The following FARS2 variants were observed in gnomAD, a reference collection of about 807,000 sequenced individuals.
The protein encoded by FARS2 is phenylalanyl-tRNA synthetase 2, mitochondrial, also known as phenylalanine--tRNA ligase, mitochondrial.
A neutral mutation model predicts 46.4 loss-of-function variants in FARS2; 40 were observed. The ratio of observed to expected loss-of-function variants is 0.86; its 90% CI spans 0.67 to 1.12. The LOEUF (loss-of-function observed/expected upper bound fraction) is 1.12. Among genes scored for constraint, FARS2 ranks in the 50% most tolerant of loss-of-function variants. The pLI is 0.00. For missense variants in FARS2, 513 were observed against 567.9 expected (o/e 0.90, Z 0.98); for synonymous variants, 234 against 214.9 (o/e 1.09, Z -0.78).
At chr6:5,494,097 C>G (rs977963759) in intron 4 of FARS2, among the ~76,000 whole-genome samples, 2 of 147,244 alleles carry the variant, frequency 1.4e-5, no homozygotes, top group African/African-American at 2.5e-5. Flanking sequence ...TTCTCTAGCT[C>G]TTGTTTTCTG....
intron 1 of FARS2, among the ~76,000 whole-genome samples, chr6:5,319,553 A>G (rs555652531): frequency 6.6e-6 from 1 of 152,344 alleles, no homozygotes; most frequent in Admixed American, 6.5e-5. Context: ...AGGGTGAGAC[A>G]GTGCTGATGG....
chr6:5,552,533 C>T (rs1282417487), intron 5 of FARS2, among the ~76,000 whole-genome samples: 8 of 152,178 alleles, frequency 5.3e-5, no homozygotes, highest in Admixed American at 5.2e-4. Flanking sequence ...TTCTGTCCAG[C>T]TGTGGGGCAC....
At chr6:5,693,042 T>G (rs78829457) in intron 6 of FARS2, among the ~76,000 whole-genome samples, 2,665 of 152,336 alleles carry the variant, frequency 0.017, 65 homozygotes, top group African/African-American at 0.057. Flanking sequence ...TATTAGAGAA[T>G]TTGTATTTCA....
intron 1 of FARS2, among the ~76,000 whole-genome samples, chr6:5,324,485 A>G (rs1338509526): frequency 1.4e-5 from 2 of 143,932 alleles, no homozygotes; most frequent in Non-Finnish European, 3.0e-5. Context: ...CGTTGGTTAC[A>G]ATTCCATCCT....
At chr6:5,563,170 G>C (rs1219999764) in intron 5 of FARS2, among the ~76,000 whole-genome samples, 2 of 152,150 alleles carry the variant, frequency 1.3e-5, no homozygotes, top group Admixed American at 6.5e-5. Context: ...GGAGGAGGCA[G>C]TGTTTGATTT....
intron 6 of FARS2, among the ~76,000 whole-genome samples, chr6:5,697,929 C>T (rs1443803717): frequency 1.3e-5 from 2 of 151,984 alleles, no homozygotes; most frequent in African/African-American, 2.4e-5. Flanking sequence ...CAATTTTCTT[C>T]GCAGCAGATT....
At chr6:5,768,936 T>C (rs1762882798) in intron 6 of FARS2, among the ~76,000 whole-genome samples, 1 of 152,244 alleles carries the variant, frequency 6.6e-6, no homozygotes, top group Admixed American at 6.5e-5. Flanking sequence ...CCTTTTTGAC[T>C]TTCTTGATTG....
chr6:5,419,830 A>G (rs1762444940), intron 3 of FARS2, among the ~76,000 whole-genome samples: 1 of 152,088 alleles, frequency 6.6e-6, no homozygotes, highest in Admixed American at 6.5e-5. Flanking sequence ...ACAGTGTGCC[A>G]TCCTGCAGGA....
intron 5 of FARS2, among the ~76,000 whole-genome samples, chr6:5,583,494 C>T (rs1773447288): frequency 1.3e-5 from 2 of 152,194 alleles, no homozygotes; most frequent in African/African-American, 4.8e-5. Context: ...AGAAACATGG[C>T]TGCCATTTAC....
At chr6:5,738,928 A>G (rs1761125116) in intron 6 of FARS2, among the ~76,000 whole-genome samples, 1 of 152,188 alleles carries the variant, frequency 6.6e-6, no homozygotes, top group Non-Finnish European at 1.5e-5. Flanking sequence ...CAGCCAGCGC[A>G]GCCTGGACAA....
intron 5 of FARS2, among the ~76,000 whole-genome samples, chr6:5,602,893 C>T (rs1406955929): frequency 2.0e-5 from 3 of 152,102 alleles, no homozygotes; most frequent in Non-Finnish European, 4.4e-5. Context: ...CTCTCCAAAT[C>T]AGTGTTTTGT....
intron 4 of FARS2, among the ~76,000 whole-genome samples, chr6:5,445,489 C>G (rs1238109475): frequency 2.6e-5 from 4 of 151,988 alleles, no homozygotes; most frequent in Admixed American, 2.6e-4. Flanking sequence ...GTTGTTATGT[C>G]CGTGAACAAA....
intron 4 of FARS2, among the ~76,000 whole-genome samples, chr6:5,455,097 C>T (rs546419550): frequency 2.0e-5 from 3 of 152,300 alleles, no homozygotes; most frequent in African/African-American, 4.8e-5. Context: ...TGGCACAGAG[C>T]GGGTGGTCAC....
intron 1 of FARS2, among the ~76,000 whole-genome samples, chr6:5,339,035 A>G (rs1046229095): frequency 1.3e-5 from 2 of 152,240 alleles, no homozygotes; most frequent in African/African-American, 4.8e-5. Flanking sequence ...TTATATTTTT[A>G]TATGGCTTTT....
chr6:5,287,653 G>A lies in FARS2; in HGVS notation c.-22+25993G>A, dbSNP rs376999702. ...TTAGAGAGTTGGCCTACTTTCTGTC[G>A]ATGCTGCTCCCTTGGAGGACCTCAT... is the stretch of plus-strand genomic sequence containing the variant. On this transcript the variant is annotated intron_variant, in intron 1 of 6. Transcript: ENST00000274680. 7.2e-5 allele frequency among the ~76,000 whole-genome samples: 11 copies of A among 152,294 alleles called. No individual in the cohort carries two copies. In the South Asian group the frequency reaches 1.4e-3, roughly 20 times the overall value.
chr6:5,501,114 G>A (rs758404281), intron 4 of FARS2, among the ~76,000 whole-genome samples: 7 of 151,880 alleles, frequency 4.6e-5, no homozygotes, highest in Non-Finnish European at 8.8e-5. Context: ...GACAGACCAA[G>A]CCAGCAGATG....
In FARS2 at chr6:5,304,452, G is replaced by A. The variant is rs551805186; in HGVS notation, c.-22+42792G>A. On this transcript the variant is annotated intron_variant, in intron 1 of 6. Coordinates refer to ENST00000274680, the MANE Select transcript of FARS2 (RefSeq NM_006567.5). ...TTTTGAATTAGTCTCTTATGATAGA[G>A]TCTCAGACATGGCATTACTGGGTCA... Among the ~76,000 whole-genome samples the A allele has an allele frequency of 3.1e-3, 473 of 152,304 alleles. 2 individuals are homozygous for A. The highest frequency in any genetic ancestry group is 0.011 in the African/African-American group (453 of 41,554).
At chr6:5,338,880 C>T (rs1467758752) in intron 1 of FARS2, among the ~76,000 whole-genome samples, 1 of 152,172 alleles carries the variant, frequency 6.6e-6, no homozygotes, top group East Asian at 1.9e-4. Context: ...TTTTCCTGTA[C>T]AGTCCCCAGA....
At chr6:5,391,041 A>T (rs1445119664) in intron 2 of FARS2, among the ~76,000 whole-genome samples, 1 of 152,194 alleles carries the variant, frequency 6.6e-6, no homozygotes, top group Non-Finnish European at 1.5e-5. Flanking sequence ...AACCGTCATT[A>T]TTTTATTCAG....
Sources: allele counts gnomAD v4.1 joint callset (sites outside exome capture counted in the v4.1 genomes callset), GRCh38; gene constraint gnomAD v4.1.1; transcripts MANE v1.5; gene names NCBI Gene and HGNC (gene_info 2026-07-23, HGNC 2026-07-21).